SPATA7: variants seen among roughly 807,000 people sequenced by gnomAD.
SPATA7 encodes spermatogenesis associated 7.
Under a neutral mutation model 51.8 loss-of-function variants are expected in SPATA7, and 43 were observed. The ratio of observed to expected loss-of-function variants is 0.83; its 90% CI spans 0.65 to 1.07. The LOEUF (loss-of-function observed/expected upper bound fraction) is 1.07. Among genes scored for constraint, SPATA7 ranks in the 50% least tolerant of loss-of-function variants. The probability of loss-of-function intolerance (pLI) is 0.00; values close to 1 mark genes in which losing one functional copy is unlikely to be tolerated. For missense variants in SPATA7, 683 were observed against 701.3 expected, an observed-to-expected ratio of 0.97 and a Z score of 0.30; for synonymous variants, 230 against 252.8, an observed-to-expected ratio of 0.91 and a Z score of 0.86.
intron 7 of SPATA7, chr14:88,428,288 T>C (rs1427085653): frequency 6.6e-6 from 1 of 152,140 alleles, no homozygotes; most frequent in Non-Finnish European, 1.5e-5. Flanking sequence ...AGTCTTGCAC[T>C]TGTGTCCTGA....
chr14:88,427,059 C>A (rs17124668), intron 6 of SPATA7, among the ~76,000 whole-genome samples: 1 of 152,094 alleles, frequency 6.6e-6, no homozygotes, highest in African/African-American at 2.4e-5. Flanking sequence ...TTAAAAGTGG[C>A]GAAACAATGG....
In SPATA7 at chr14:88,430,476, T is replaced by C. The variant is rs143905794; in HGVS notation, c.1029-696T>C. ...TAAAGTAGAATAGTATAGTTGAGTATACCTGAATAAAATTTAGCTTCAAAT... is the reference window on the plus strand; with the variant it reads ...TAAAGTAGAATAGTATAGTTGAGTACACCTGAATAAAATTTAGCTTCAAAT... On this transcript the variant is annotated intron_variant, in intron 8 of 11. Transcript: ENST00000393545. 4.9e-3 allele frequency among the ~76,000 whole-genome samples: 750 copies of C among 152,330 alleles called. 3 individuals carry two copies. Among genetic ancestry groups the C allele is most frequent in the Non-Finnish European group, 8.6e-3 (582 of 68,032 alleles).
chr14:88,434,951 ATTAG>A (rs1197602233), intron 10 of SPATA7, among the ~76,000 whole-genome samples: 1 of 152,200 alleles, frequency 6.6e-6, no homozygotes, highest in Non-Finnish European at 1.5e-5. Context: ...AACAAAGGAA[ATTAG>A]TTGTTTTTTA....
At chr14:88,413,162 T>C (rs1445094489) in intron 4 of SPATA7, among the ~76,000 whole-genome samples, 3 of 152,236 alleles carry the variant, frequency 2.0e-5, no homozygotes, top group South Asian at 2.1e-4. Context: ...TTTAATGATA[T>C]TGACTCTTCC....
chr14:88,414,007 G>A (rs1226734850), intron 4 of SPATA7, among the ~76,000 whole-genome samples: 1 of 151,986 alleles, frequency 6.6e-6, no homozygotes, highest in East Asian at 1.9e-4. Context: ...TTGGCCTATA[G>A]CTTTCGTTTT....
chr14:88,465,593 C>G (rs970697878), intron 4 of SPATA7, among the ~76,000 whole-genome samples: 4 of 152,166 alleles, frequency 2.6e-5, no homozygotes. Context: ...CAGTGGAAAA[C>G]AGTGGTTTAT....
chr14:88,431,928 C>T (rs938751298), intron 9 of SPATA7, among the ~76,000 whole-genome samples: 1 of 152,120 alleles, frequency 6.6e-6, no homozygotes, highest in Non-Finnish European at 1.5e-5. Context: ...AGAAACTGAC[C>T]TGAATAATTT....
downstream of SPATA7, among the ~76,000 whole-genome samples, chr14:88,442,158 T>A (rs945984201): frequency 2.1e-5 from 3 of 145,610 alleles, no homozygotes; most frequent in Admixed American, 7.2e-5. Flanking sequence ...ATTCCATTCC[T>A]TTGGTCTATA....
At chr14:88,465,530 AT>A (rs1225778830) in intron 4 of SPATA7, among the ~76,000 whole-genome samples, 1 of 151,472 alleles carries the variant, frequency 6.6e-6, no homozygotes, top group Non-Finnish European at 1.5e-5. Flanking sequence ...AAACTATTTC[AT>A]CAAAAGACCC....
At chr14:88,436,137 T>G (rs1190821906) in intron 10 of SPATA7, among the ~76,000 whole-genome samples, 1 of 152,222 alleles carries the variant, frequency 6.6e-6, no homozygotes, top group Non-Finnish European at 1.5e-5. Flanking sequence ...TCATTGTAGT[T>G]TTGATTTGCA....
chr14:88,458,710 T>C (rs1001689166), downstream of SPATA7, among the ~76,000 whole-genome samples: 2 of 152,202 alleles, frequency 1.3e-5, no homozygotes, highest in Non-Finnish European at 2.9e-5. Context: ...AAGGGTTTTT[T>C]GTGTATCTCC....
At chr14:88,433,860 A>C (rs1278074406) in intron 10 of SPATA7, among the ~76,000 whole-genome samples, 3 of 152,162 alleles carry the variant, frequency 2.0e-5, no homozygotes, top group Admixed American at 6.5e-5. Context: ...TCTATCCTCT[A>C]CATCAAGTTT....
intron 4 of SPATA7, among the ~76,000 whole-genome samples, chr14:88,408,907 T>G (rs749541702): frequency 2.0e-5 from 3 of 152,178 alleles, no homozygotes; most frequent in Non-Finnish European, 2.9e-5. Flanking sequence ...TGATGAATTA[T>G]GTTTATTGAT....
chr14:88,428,504 T>A (rs2076856343), intron 7 of SPATA7: 1 of 152,184 alleles, frequency 6.6e-6, no homozygotes, highest in Admixed American at 6.6e-5. Context: ...ACTTATCCTC[T>A]GAGAGCTGAA....
intron 3 of SPATA7, among the ~76,000 whole-genome samples, chr14:88,451,129 C>T (rs994833141): frequency 6.6e-6 from 1 of 152,098 alleles, no homozygotes; most frequent in Admixed American, 6.6e-5. Flanking sequence ...TTGCATTTCT[C>T]TAAGTGTGTT....
chr14:88,429,315 C>G (rs1241106319), intron 7 of SPATA7, 33 bp from the exon 8 acceptor site: 4 of 1,335,038 alleles, frequency 3.0e-6, no homozygotes, highest in Non-Finnish European at 4.3e-6. Flanking sequence ...TATTTTTAAG[C>G]AAAAATAAAT....
Position 88,429,406 on chromosome 14 carries a change from G to T in SPATA7, c.971G>T (p.Gly324Val). Residue 324 changes from glycine to valine, a missense_variant, in exon 8 of 12, where the codon GGG (glycine) becomes GTG (valine). Physicochemically the swap from Gly to Val is moderately radical, Grantham distance 109. Coordinates refer to ENST00000393545, the MANE Select transcript of SPATA7 (RefSeq NM_018418.5). The part of the protein sequence containing the change: ...KEKIAPLPLE[G>V]HDSTWDEIKD... The stretch of plus-strand genomic sequence containing the variant: ...AAAATAGCTCCTTTACCTTTAGAAG[G>T]GCATGACTCAACATGGGATGAGATT... 6.2e-7 allele frequency: 1 copy of T among 1,612,748 alleles called. No homozygotes were observed. The highest frequency in any genetic ancestry group is 1.1e-5 in the South Asian group (1 of 91,044).
At chr14:88,402,071 CTTAGGAATAACCTTAAACAAAAAGG>C (rs1440262567) in intron 4 of SPATA7, among the ~76,000 whole-genome samples, 4 of 152,090 alleles carry the variant, frequency 2.6e-5, no homozygotes, top group Admixed American at 2.6e-4. Context: ...GGATAAAATG[CTTAGGAATAACCTTAAACAAAAAGG>C]TTGAAAACTT....
intron 3 of SPATA7, among the ~76,000 whole-genome samples, chr14:88,449,844 C>A (rs1369056022): frequency 6.6e-6 from 1 of 152,066 alleles, no homozygotes; most frequent in Non-Finnish European, 1.5e-5. Context: ...CCCTCTTTGT[C>A]ATTTTTAACT....
Sources: gnomAD v4.1 joint callset for allele counts (sites outside exome capture counted in the v4.1 genomes callset) on GRCh38, gnomAD v4.1.1 for gene constraint, MANE v1.5 for transcripts, NCBI Gene and HGNC (gene_info 2026-07-23, HGNC 2026-07-21) for gene names.